RORA: variants seen among roughly 807,000 people sequenced by gnomAD.
The protein encoded by RORA is RAR related orphan receptor A, also known as nuclear receptor ROR-alpha.
In RORA, 7 loss-of-function variants were observed where a neutral mutation model predicts 69.5. That is an observed-to-expected ratio of 0.10 (90% CI 0.06 to 0.19). The LOEUF is 0.19. Among genes scored for constraint, RORA ranks in the 10% least tolerant of loss-of-function variants. The pLI is 1.00. For missense variants in RORA, 457 were observed against 663.0 expected, an observed-to-expected ratio of 0.69 and a Z score of 3.41; for synonymous variants, 261 against 240.8, an observed-to-expected ratio of 1.08 and a Z score of -0.78.
At chr15:60,515,053 C>G (rs1443612114) in intron 3 of RORA, among the ~76,000 whole-genome samples, 1 of 152,172 alleles carries the variant, frequency 6.6e-6, no homozygotes, top group Non-Finnish European at 1.5e-5. Flanking sequence ...TTCTGATGAT[C>G]AAAAGCAATG....
intron 1 of RORA, among the ~76,000 whole-genome samples, chr15:61,066,418 C>CTTTTTTTTTTTTTTTTTTTTT (rs1168663714): frequency 1.9e-4 from 15 of 80,966 alleles, no homozygotes; most frequent in Non-Finnish European, 2.1e-4. Flanking sequence ...GGGCATATTC[C>CTTTTTTTTTTTTTTTTTTTTT]TTTTTTTTTT....
intron 1 of RORA, among the ~76,000 whole-genome samples, chr15:61,021,562 A>G (rs1595884078): frequency 1.3e-5 from 2 of 152,148 alleles, no homozygotes; most frequent in Admixed American, 6.5e-5. Flanking sequence ...AACACAGGGA[A>G]CCTGACCCTG....
chr15:61,209,388 C>G (rs899047684), intron 1 of RORA, among the ~76,000 whole-genome samples: 3 of 152,072 alleles, frequency 2.0e-5, no homozygotes, highest in African/African-American at 7.2e-5. Flanking sequence ...GTGACCATGC[C>G]TAAGATAAAA....
intron 1 of RORA, among the ~76,000 whole-genome samples, chr15:60,703,897 G>A (rs1447390377): frequency 6.6e-6 from 1 of 151,368 alleles, no homozygotes; most frequent in Non-Finnish European, 1.5e-5. Context: ...AAGAAGGGAA[G>A]GAAGAAGGTC....
intron 1 of RORA, among the ~76,000 whole-genome samples, chr15:61,094,982 A>G (rs2078767320): frequency 6.6e-6 from 1 of 152,242 alleles, no homozygotes; most frequent in South Asian, 2.1e-4. Flanking sequence ...TTGAGAGCCC[A>G]TAGTCTTTCT....
At chr15:61,066,273 G>A (rs186315496) in intron 1 of RORA, among the ~76,000 whole-genome samples, 16 of 152,134 alleles carry the variant, frequency 1.1e-4, no homozygotes, top group South Asian at 2.1e-4. Flanking sequence ...TTCATTAGCC[G>A]TAATAACACT....
At chr15:61,097,828 T>G (rs2078813654) in intron 1 of RORA, among the ~76,000 whole-genome samples, 2 of 152,194 alleles carry the variant, frequency 1.3e-5, no homozygotes, top group African/African-American at 2.4e-5. Flanking sequence ...ATTGCAGCTT[T>G]TGAATACAGG....
At chr15:60,608,285 T>C (rs966771936) in intron 2 of RORA, among the ~76,000 whole-genome samples, 3 of 152,252 alleles carry the variant, frequency 2.0e-5, no homozygotes, top group African/African-American at 7.2e-5. Flanking sequence ...ATACTTTTTG[T>C]ATTAAAGTCA....
intron 1 of RORA, among the ~76,000 whole-genome samples, chr15:61,137,925 T>C (rs2079260665): frequency 6.6e-6 from 1 of 152,104 alleles, no homozygotes; most frequent in African/African-American, 2.4e-5. Context: ...GAGAAACATA[T>C]AAATTGGAAA....
At chr15:61,048,150 T>G (rs1340871407) in intron 1 of RORA, among the ~76,000 whole-genome samples, 1 of 152,216 alleles carries the variant, frequency 6.6e-6, no homozygotes, top group Non-Finnish European at 1.5e-5. Context: ...CTTCTTCCCT[T>G]TAAATTCTAT....
chr15:60,911,752 T>C (rs1007758502), intron 1 of RORA, among the ~76,000 whole-genome samples: 2 of 146,740 alleles, frequency 1.4e-5, no homozygotes. Flanking sequence ...CAGGCTGGAG[T>C]GCAATGGTGC....
chr15:60,621,984 G>A (rs1482799193), intron 2 of RORA, among the ~76,000 whole-genome samples: 6 of 152,058 alleles, frequency 3.9e-5, no homozygotes, highest in African/African-American at 9.7e-5. Flanking sequence ...GGAGGCGGAG[G>A]TCGTGGTGAG....
intron 1 of RORA, among the ~76,000 whole-genome samples, chr15:60,844,526 A>C (rs936551850): frequency 6.6e-6 from 1 of 152,158 alleles, no homozygotes; most frequent in Non-Finnish European, 1.5e-5. Context: ...GCCTCCACGC[A>C]TGTCGAATGC....
chr15:61,130,086 GAGA>G (rs2079177698), intron 1 of RORA, among the ~76,000 whole-genome samples: 2 of 152,260 alleles, frequency 1.3e-5, no homozygotes, highest in Non-Finnish European at 2.9e-5. Flanking sequence ...AGGGAATGGA[GAGA>G]AGGAGAGATG....
At chr15:60,888,785 G>A (rs1329000967) in intron 1 of RORA, among the ~76,000 whole-genome samples, 1 of 152,080 alleles carries the variant, frequency 6.6e-6, no homozygotes, top group East Asian at 1.9e-4. Context: ...CTGTGCTCCG[G>A]GAGAGGTGAA....
At chr15:60,936,984 T>A (rs577931886) in intron 1 of RORA, among the ~76,000 whole-genome samples, 36 of 151,994 alleles carry the variant, frequency 2.4e-4, no homozygotes, top group Admixed American at 5.2e-4. Flanking sequence ...GGTCTTATAT[T>A]TTTTTTTAAT....
intron 1 of RORA, among the ~76,000 whole-genome samples, chr15:60,968,424 A>T (rs1416690983): frequency 6.6e-6 from 1 of 152,208 alleles, no homozygotes; most frequent in Non-Finnish European, 1.5e-5. Flanking sequence ...GTTTCTAACA[A>T]GGTTCCTGCT....
intron 1 of RORA, among the ~76,000 whole-genome samples, chr15:61,099,967 C>G (rs2078853238): frequency 6.6e-6 from 1 of 152,010 alleles, no homozygotes; most frequent in East Asian, 1.9e-4. Context: ...TTTTGTCAAA[C>G]TTAATTTAAA....
intron 1 of RORA, among the ~76,000 whole-genome samples, chr15:60,731,788 G>C (rs2071433608): frequency 6.6e-6 from 1 of 152,322 alleles, no homozygotes; most frequent in African/African-American, 2.4e-5. Flanking sequence ...TTGTTATTCA[G>C]TCATGGGAGT....
Sources: allele counts gnomAD v4.1 joint callset (sites outside exome capture counted in the v4.1 genomes callset), GRCh38; gene constraint gnomAD v4.1.1; transcripts MANE v1.5; gene names NCBI Gene and HGNC (gene_info 2026-07-23, HGNC 2026-07-21).